B3GALT1: variants seen among roughly 807,000 people sequenced by gnomAD.
B3GALT1 encodes the protein UDP-Gal:betaGlcNAc beta 1,3-galactosyltransferase, polypeptide 1.
B3GALT1 carries 10 observed loss-of-function variants against 23.2 expected under a neutral mutation model. That is an observed-to-expected ratio of 0.43 (90% CI 0.27 to 0.73). The LOEUF is 0.73. B3GALT1 is among the 30% of genes least tolerant of loss of function. The probability of loss-of-function intolerance (pLI) is 0.21; values close to 1 mark genes in which losing one functional copy is unlikely to be tolerated. For synonymous variants in B3GALT1, 156 were observed against 141.5 expected (o/e 1.10, Z -0.73); for missense variants, 299 against 405.4 (o/e 0.74, Z 2.25).
intron 3 of B3GALT1, among the ~76,000 whole-genome samples, chr2:167,680,220 C>T (rs765183149): frequency 1.3e-5 from 2 of 152,164 alleles, no homozygotes; most frequent in African/African-American, 4.8e-5. Flanking sequence ...GCTTCAGATG[C>T]ACGGAAGAGA....
chr2:167,654,418 G>C (rs1685918289), intron 3 of B3GALT1, among the ~76,000 whole-genome samples: 1 of 152,124 alleles, frequency 6.6e-6, no homozygotes, highest in South Asian at 2.1e-4. Flanking sequence ...TGAGTGGGAA[G>C]GGGGAGCTAA....
Position 167,769,223 on chromosome 2 carries a change from T to G in B3GALT1, c.-351-49449T>G, listed in dbSNP as rs565813129. ...TCTGAGCTCTGAGACCTCACAGCTG[T>G]TATTTCAGCCTGCACAAATCCTAGT... On this transcript the variant is annotated intron_variant, in intron 3 of 4. Coordinates refer to ENST00000392690, the MANE Select transcript of B3GALT1 (RefSeq NM_020981.4). Among the ~76,000 whole-genome samples, 68 of 152,246 alleles carry G rather than the reference T, an allele frequency of 4.5e-4. 1 individual carries two copies. In the South Asian group the frequency reaches 0.013, roughly 29 times the overall value.
chr2:167,834,086 C>T (rs1253954665), intron 4 of B3GALT1, among the ~76,000 whole-genome samples: 1 of 152,088 alleles, frequency 6.6e-6, no homozygotes, highest in East Asian at 1.9e-4. Flanking sequence ...ATAGGGTATG[C>T]TGGTCTCTGT....
chr2:167,580,032 G>C, intron 2 of B3GALT1, among the ~76,000 whole-genome samples: 1 of 152,100 alleles, frequency 6.6e-6, no homozygotes. Flanking sequence ...AATCATTCTT[G>C]CATCATCTTC....
chr2:167,361,665 G>A (rs4667949), intron 1 of B3GALT1, among the ~76,000 whole-genome samples: 128,714 of 152,204 alleles, frequency 0.85, 55,140 homozygotes, highest in East Asian at 0.95. Flanking sequence ...TCTGGGTGAC[G>A]GTTCATCTGT....
chr2:167,853,227 T>G (rs1312292554), intron 4 of B3GALT1, among the ~76,000 whole-genome samples: 1 of 152,178 alleles, frequency 6.6e-6, no homozygotes. Flanking sequence ...TCCAGCATTC[T>G]CTCATACTGG....
At chr2:167,507,061 C>T (rs552417040) in intron 2 of B3GALT1, among the ~76,000 whole-genome samples, 91 of 152,004 alleles carry the variant, frequency 6.0e-4, no homozygotes, top group African/African-American at 2.1e-3. Flanking sequence ...AAGACTAAAA[C>T]CGTAAAACTG....
rs1234137413 is a variant in B3GALT1 at position 167,651,762 on chromosome 2, AC to A, written c.-352+4797del. On this transcript the variant is annotated intron_variant, in intron 3 of 4. Coordinates refer to ENST00000392690, the MANE Select transcript of B3GALT1 (RefSeq NM_020981.4). ...CTGAGTTCAATAGTGCAGTTGAACAACAGTTGAAGGCTCACATACCCTTGGA... is the reference window on the plus strand; with the variant it reads ...CTGAGTTCAATAGTGCAGTTGAACAAAGTTGAAGGCTCACATACCCTTGGA... Among the ~76,000 whole-genome samples, 3 of 152,282 alleles carry A rather than the reference AC, an allele frequency of 2.0e-5. No homozygotes were observed. The East Asian group carries it at 5.8e-4, about 29-fold the overall frequency.
At chr2:167,867,199 T>C (rs1690249195) in intron 4 of B3GALT1, among the ~76,000 whole-genome samples, 1 of 152,214 alleles carries the variant, frequency 6.6e-6, no homozygotes, top group Non-Finnish European at 1.5e-5. Flanking sequence ...GTGCTGGGAT[T>C]ACAGGCGTGA....
chr2:167,530,750 T>C (rs1683313011), intron 2 of B3GALT1, among the ~76,000 whole-genome samples: 1 of 152,212 alleles, frequency 6.6e-6, no homozygotes, highest in African/African-American at 2.4e-5. Flanking sequence ...TTCACAACCT[T>C]GATGGGAAAC....
chr2:167,461,679 T>C (rs1699261134), intron 1 of B3GALT1, among the ~76,000 whole-genome samples: 1 of 152,206 alleles, frequency 6.6e-6, no homozygotes, highest in Non-Finnish European at 1.5e-5. Context: ...TTGTAAAATG[T>C]AATTTCCTTG....
chr2:167,701,207 G>C (rs547277831), intron 3 of B3GALT1, among the ~76,000 whole-genome samples: 2 of 152,080 alleles, frequency 1.3e-5, no homozygotes, highest in Admixed American at 6.5e-5. Context: ...ATGCAGAAGT[G>C]TCTGGAAGCT....
At chr2:167,585,548 A>G in intron 2 of B3GALT1, among the ~76,000 whole-genome samples, 1 of 152,230 alleles carries the variant, frequency 6.6e-6, no homozygotes, top group East Asian at 1.9e-4. Context: ...GAAAATGACA[A>G]ATCTAAGGAT....
intron 3 of B3GALT1, among the ~76,000 whole-genome samples, chr2:167,772,162 G>A (rs186126633): frequency 6.6e-6 from 1 of 152,258 alleles, no homozygotes; most frequent in East Asian, 1.9e-4. Flanking sequence ...TTGACAAGGT[G>A]CAAGTAAACA....
intron 1 of B3GALT1, among the ~76,000 whole-genome samples, chr2:167,338,109 C>T (rs2105245229): frequency 6.6e-6 from 1 of 152,228 alleles, no homozygotes; most frequent in South Asian, 2.1e-4. Flanking sequence ...AAGGAAGTGT[C>T]CTAATTTCTC....
intron 4 of B3GALT1, among the ~76,000 whole-genome samples, chr2:167,825,684 C>T (rs1689207581): frequency 6.6e-6 from 1 of 152,028 alleles, no homozygotes; most frequent in African/African-American, 2.4e-5. Context: ...GTTCAGAAAG[C>T]ACACCACTCT....
intron 3 of B3GALT1, among the ~76,000 whole-genome samples, chr2:167,790,389 G>A (rs940287809): frequency 2.0e-5 from 3 of 152,180 alleles, no homozygotes; most frequent in African/African-American, 7.2e-5. Flanking sequence ...GGCACTGTGA[G>A]TCTGGTTTCA....
At chr2:167,326,195 T>C (rs1488952343) in intron 1 of B3GALT1, among the ~76,000 whole-genome samples, 1 of 151,954 alleles carries the variant, frequency 6.6e-6, no homozygotes, top group Non-Finnish European at 1.5e-5. Flanking sequence ...GTTGAGTTTT[T>C]TTTTTTTTCA....
intron 2 of B3GALT1, among the ~76,000 whole-genome samples, chr2:167,626,878 G>A (rs1261017965): frequency 6.6e-6 from 1 of 151,650 alleles, no homozygotes; most frequent in Non-Finnish European, 1.5e-5. Flanking sequence ...TAAGGTGGAG[G>A]AGAGAGTGGA....
Sources: allele counts gnomAD v4.1 joint callset (sites outside exome capture counted in the v4.1 genomes callset), GRCh38; gene constraint gnomAD v4.1.1; transcripts MANE v1.5; gene names NCBI Gene and HGNC (gene_info 2026-07-23, HGNC 2026-07-21).